PLCB1: variants seen among roughly 807,000 people sequenced by gnomAD.
The protein encoded by PLCB1 is 1-phosphatidylinositol 4,5-bisphosphate phosphodiesterase beta-1.
Under a neutral mutation model 161.8 loss-of-function variants are expected in PLCB1, and 46 were observed. The ratio of observed to expected loss-of-function variants is 0.28; its 90% confidence interval spans 0.22 to 0.36. The LOEUF (loss-of-function observed/expected upper bound fraction) is 0.36. Ranked by LOEUF, PLCB1 falls within the 10% of genes least tolerant of loss-of-function variation. PLCB1 has a pLI of 1.00. For missense variants in PLCB1, 1,016 were observed against 1,472.5 expected (o/e 0.69, Z 5.07); for synonymous variants, 517 against 503.7 (o/e 1.03, Z -0.35).
intron 23 of PLCB1, among the ~76,000 whole-genome samples, chr20:8,742,348 G>GA (rs1354276133): frequency 2.6e-5 from 4 of 152,030 alleles, no homozygotes; most frequent in East Asian, 3.9e-4. Context: ...AGTATTGGGG[G>GA]AAAAAACCTT....
At chr20:8,247,423 C>T (rs1353452203) in intron 2 of PLCB1, among the ~76,000 whole-genome samples, 1 of 151,856 alleles carries the variant, frequency 6.6e-6, no homozygotes, top group Non-Finnish European at 1.5e-5. Flanking sequence ...CTTTAGAAAT[C>T]ATTAGAAATT....
At chr20:8,363,963 A>G (rs184375658) in intron 2 of PLCB1, among the ~76,000 whole-genome samples, 1 of 152,344 alleles carries the variant, frequency 6.6e-6, no homozygotes, top group Admixed American at 6.5e-5. Flanking sequence ...TCTCCATTAT[A>G]AATACATACG....
chr20:8,641,949 T>A (rs114529783), intron 4 of PLCB1, among the ~76,000 whole-genome samples: 1 of 152,358 alleles, frequency 6.6e-6, no homozygotes, highest in African/African-American at 2.4e-5. Context: ...AAACGACCCA[T>A]TGCACTTGAT....
At chr20:8,403,039 G>A (rs1389982140) in intron 3 of PLCB1, among the ~76,000 whole-genome samples, 3 of 152,006 alleles carry the variant, frequency 2.0e-5, no homozygotes, top group African/African-American at 7.3e-5. Context: ...AAATTAATCA[G>A]TGTTGTATAT....
At chr20:8,460,453 C>G (rs1981526805) in intron 3 of PLCB1, among the ~76,000 whole-genome samples, 1 of 152,172 alleles carries the variant, frequency 6.6e-6, no homozygotes, top group Non-Finnish European at 1.5e-5. Context: ...TGGGAATACT[C>G]CCTCTTCTCA....
chr20:8,442,879 G>T (rs1487855182), intron 3 of PLCB1, among the ~76,000 whole-genome samples: 3 of 152,006 alleles, frequency 2.0e-5, no homozygotes, highest in Non-Finnish European at 4.4e-5. Flanking sequence ...TTGGATAGTA[G>T]CACACCTTGG....
At chr20:8,308,675 G>A (rs1414687760) in intron 2 of PLCB1, among the ~76,000 whole-genome samples, 6 of 144,068 alleles carry the variant, frequency 4.2e-5, no homozygotes, top group South Asian at 2.3e-4. Flanking sequence ...TTACAGATGA[G>A]AAAACTGAAA....
chr20:8,322,965 A>T (rs1453561174), intron 2 of PLCB1, among the ~76,000 whole-genome samples: 6 of 152,174 alleles, frequency 3.9e-5, no homozygotes, highest in Admixed American at 3.3e-4. Flanking sequence ...AATTGAAGAG[A>T]ACAGCTCTTG....
intron 9 of PLCB1, among the ~76,000 whole-genome samples, chr20:8,681,146 G>C (rs1990211520): frequency 8.0e-6 from 1 of 124,656 alleles, no homozygotes; most frequent in African/African-American, 2.9e-5. Context: ...GTGTCTCATA[G>C]CCTCCTTTGA....
intron 2 of PLCB1, among the ~76,000 whole-genome samples, chr20:8,288,552 G>A (rs922439113): frequency 1.3e-5 from 2 of 152,202 alleles, no homozygotes; most frequent in African/African-American, 4.8e-5. Context: ...CCACAGAGCT[G>A]TCCTGCAGAA....
chr20:8,516,733 A>G (rs1327981240), intron 3 of PLCB1, among the ~76,000 whole-genome samples: 1 of 142,036 alleles, frequency 7.0e-6, no homozygotes, highest in Admixed American at 7.3e-5. Context: ...GATGCTATAT[A>G]CTACTAGTCA....
intron 2 of PLCB1, among the ~76,000 whole-genome samples, chr20:8,267,908 C>G (rs1391491931): frequency 1.3e-5 from 2 of 151,934 alleles, no homozygotes; most frequent in Admixed American, 1.3e-4. Flanking sequence ...GGCCCACAAC[C>G]AGTCTGATTG....
intron 31 of PLCB1, among the ~76,000 whole-genome samples, chr20:8,806,212 A>G (rs770725231): frequency 6.6e-6 from 1 of 152,044 alleles, no homozygotes; most frequent in Admixed American, 6.5e-5. Context: ...GGAAACCACA[A>G]TTAGTCACAG....
intron 23 of PLCB1, among the ~76,000 whole-genome samples, chr20:8,742,355 C>A (rs1414825782): frequency 2.0e-5 from 3 of 151,980 alleles, no homozygotes; most frequent in African/African-American, 4.8e-5. Flanking sequence ...GGGGAAAAAA[C>A]CTTGAAAATT....
intron 31 of PLCB1, among the ~76,000 whole-genome samples, chr20:8,858,983 C>T (rs1461265962): frequency 1.3e-5 from 2 of 150,662 alleles, no homozygotes; most frequent in African/African-American, 2.4e-5. Flanking sequence ...TCCTGACATA[C>T]CTCTTGTTTG....
chr20:8,558,948 C>G (rs1986052563), intron 3 of PLCB1, among the ~76,000 whole-genome samples: 1 of 151,764 alleles, frequency 6.6e-6, no homozygotes, highest in Non-Finnish European at 1.5e-5. Flanking sequence ...TAAGGAGATG[C>G]CTTCAGGATG....
intron 31 of PLCB1, among the ~76,000 whole-genome samples, chr20:8,797,192 G>A (rs1313423129): frequency 2.0e-5 from 3 of 151,968 alleles, no homozygotes; most frequent in South Asian, 2.1e-4. Flanking sequence ...TTAACTGTTA[G>A]TCTTAATACA....
At chr20:8,276,857 G>A (rs6140580) in intron 2 of PLCB1, among the ~76,000 whole-genome samples, 6 of 151,810 alleles carry the variant, frequency 4.0e-5, no homozygotes, top group Non-Finnish European at 7.4e-5. Context: ...CTGGAATTCA[G>A]GAGTTGGACT....
rs1232689208 is a variant in PLCB1, at chr20:8,881,886, T to C, written c.*37T>C. 1 of 1,306,054 alleles carries C rather than the reference T, an allele frequency of 7.7e-7. No homozygotes were observed. The highest frequency in any genetic ancestry group is 1.4e-5 in the African/African-American group (1 of 68,982). The allele number at this position is 1,306,054 out of a possible 1,614,324, so 80.9% of individuals were successfully genotyped here. On this transcript the variant is annotated 3_prime_UTR_variant, in exon 32 of 32. Transcript: ENST00000338037. ...AGGCCTTCAGAAATTGCATGGCCAC[T>C]CCAGCGTCATCGGACTCTCTCTTAT...
Sources: allele counts gnomAD v4.1 joint callset (sites outside exome capture counted in the v4.1 genomes callset), GRCh38; gene constraint gnomAD v4.1.1; transcripts MANE v1.5; gene names NCBI Gene and HGNC (gene_info 2026-07-23, HGNC 2026-07-21).